Variants in PCDHA10 observed in about 807,000 individuals in gnomAD.
PCDHA10 encodes protocadherin alpha 10.
PCDHA10 carries 45 observed loss-of-function variants against 61.2 expected under a neutral mutation model. The ratio of observed to expected loss-of-function variants is 0.74; its 90% confidence interval spans 0.58 to 0.94. The LOEUF (loss-of-function observed/expected upper bound fraction) is 0.94. Among genes scored for constraint, PCDHA10 ranks in the 40% least tolerant of loss-of-function variants. PCDHA10 has a pLI of 0.00. For synonymous variants in PCDHA10, 602 were observed against 548.8 expected (o/e 1.10, Z -1.35); for missense variants, 1,278 against 1,236.2 (o/e 1.03, Z -0.51).
chr5:140,935,045 G>T (rs1382389528), intron 1 of PCDHA10, among the ~76,000 whole-genome samples: 1 of 151,952 alleles, frequency 6.6e-6, no homozygotes, highest in Non-Finnish European at 1.5e-5. Flanking sequence ...TTGATTTCTG[G>T]TATTACAAGA....
intron 1 of PCDHA10, among the ~76,000 whole-genome samples, chr5:140,960,014 A>G (rs1380089859): frequency 6.6e-6 from 1 of 152,222 alleles, no homozygotes; most frequent in Non-Finnish European, 1.5e-5. Flanking sequence ...ATTTTGCATC[A>G]TGATTTTGTT....
intron 1 of PCDHA10, among the ~76,000 whole-genome samples, chr5:140,923,207 A>G (rs2081229144): frequency 6.6e-6 from 1 of 152,144 alleles, no homozygotes. Flanking sequence ...TGGGAGGCTA[A>G]GGTGAAAGGA....
intron 3 of PCDHA10, among the ~76,000 whole-genome samples, chr5:140,982,795 A>G (rs1011948194): frequency 3.3e-5 from 5 of 151,516 alleles, no homozygotes; most frequent in African/African-American, 1.2e-4. Context: ...GCATGTGTGC[A>G]TGTGTGTGTG....
chr5:140,959,424 G>A (rs957625236), intron 1 of PCDHA10, among the ~76,000 whole-genome samples: 1 of 152,104 alleles, frequency 6.6e-6, no homozygotes, highest in Non-Finnish European at 1.5e-5. Context: ...CTGAGAATTT[G>A]TGTATTTTTT....
chr5:140,909,769 C>T (rs1213208977), intron 1 of PCDHA10, among the ~76,000 whole-genome samples: 2 of 152,104 alleles, frequency 1.3e-5, no homozygotes, highest in Non-Finnish European at 2.9e-5. Flanking sequence ...AGTCCAGGGA[C>T]CCACTGGACC....
intron 1 of PCDHA10, among the ~76,000 whole-genome samples, chr5:140,925,793 A>G (rs1261267937): frequency 6.6e-6 from 1 of 152,074 alleles, no homozygotes; most frequent in African/African-American, 2.4e-5. Context: ...GTATCTCAGT[A>G]CTTTCCCCTC....
intron 1 of PCDHA10, among the ~76,000 whole-genome samples, chr5:140,955,906 G>T (rs1044355938): frequency 2.0e-5 from 3 of 152,040 alleles, no homozygotes; most frequent in East Asian, 3.9e-4. Flanking sequence ...TCTCTTTGTA[G>T]CAATTGTGAA....
At chr5:140,982,984 G>A (rs558088522) in intron 3 of PCDHA10, among the ~76,000 whole-genome samples, 11 of 151,694 alleles carry the variant, frequency 7.3e-5, no homozygotes, top group Non-Finnish European at 1.5e-4. Flanking sequence ...GAAAGAAAGA[G>A]AAAAAGAAGG....
chr5:140,874,772 T>C (rs2055099588), intron 1 of PCDHA10, among the ~76,000 whole-genome samples: 1 of 152,270 alleles, frequency 6.6e-6, no homozygotes, highest in South Asian at 2.1e-4. Flanking sequence ...TCCATATTTA[T>C]GATGAATTCT....
In PCDHA10 at chr5:140,882,158, C is replaced by T. The variant is rs2058980027; in HGVS notation, c.2388+23722C>T. ...GAAAATATAGCAGAAAGCGGAATAC[C>T]TCTTGCGAATCCTTCCGCACTAGGA... On this transcript the variant is annotated intron_variant, in intron 1 of 3. Coordinates refer to ENST00000307360, the MANE Select transcript of PCDHA10 (RefSeq NM_018901.4). The T allele has an allele frequency of 4.6e-6, 7 of 1,507,380 alleles. No homozygotes were observed. The South Asian group carries it at 8.2e-5, about 18-fold the overall frequency. 93.4% of individuals were successfully genotyped at this position (1,507,380 alleles called of 1,614,324 possible). A position where few individuals can be genotyped will look rare whatever the true frequency, so the allele number is the denominator to read the frequency against.
At chr5:140,952,180 T>C (rs1034052117) in intron 1 of PCDHA10, among the ~76,000 whole-genome samples, 4 of 151,968 alleles carry the variant, frequency 2.6e-5, no homozygotes, top group Admixed American at 2.0e-4. Context: ...CTGCAGCTGC[T>C]CTCATGGGTT....
chr5:140,950,581 C>T (rs1158445917), intron 1 of PCDHA10, among the ~76,000 whole-genome samples: 2 of 151,860 alleles, frequency 1.3e-5, no homozygotes, highest in Non-Finnish European at 2.9e-5. Flanking sequence ...TTCTACTTAC[C>T]TTTGGTTTAG....
In PCDHA10 at chr5:140,856,537, G is replaced by T. The variant is rs782543512; in HGVS notation, c.489G>T (p.Glu163Asp). 18 of 1,598,256 alleles carry T rather than the reference G, an allele frequency of 1.1e-5. 3 individuals carry two copies. The highest frequency in any genetic ancestry group is 1.5e-5 in the Non-Finnish European group (18 of 1,167,836). ...LEGASDADVG[E>D]NALLTYKLSP... ...GCGCATCTGATGCGGATGTTGGAGA[G>T]AACGCATTGCTTACTTACAAACTCA... The change falls in exon 1 of 4, where the codon GAG becomes GAT. Residue 163 changes from glutamate to aspartate, a missense_variant. Coordinates refer to ENST00000307360, the MANE Select transcript of PCDHA10 (RefSeq NM_018901.4).
At chr5:140,921,534 G>A (rs1413381073) in intron 1 of PCDHA10, among the ~76,000 whole-genome samples, 3 of 152,130 alleles carry the variant, frequency 2.0e-5, no homozygotes, top group African/African-American at 7.2e-5. Context: ...TCTGCTGATA[G>A]AACATTCTGC....
intron 1 of PCDHA10, among the ~76,000 whole-genome samples, chr5:140,924,240 G>T (rs1554201838): frequency 2.6e-5 from 4 of 152,186 alleles, no homozygotes; most frequent in Non-Finnish European, 5.9e-5. Flanking sequence ...GGGCTGTTTT[G>T]CATCCTGGTG....
At chr5:140,862,665 G>A (rs1437192786) in intron 1 of PCDHA10, 12 of 547,492 alleles carry the variant, frequency 2.2e-5, no homozygotes, top group Admixed American at 9.6e-5. Flanking sequence ...ACCGGGACGC[G>A]CAGGAGAACG....
chr5:140,877,674 G>C, intron 1 of PCDHA10: 2 of 1,613,630 alleles, frequency 1.2e-6, no homozygotes, highest in East Asian at 4.5e-5. Context: ...GGTGCGCGCC[G>C]GGCAAGCCCA....
intron 1 of PCDHA10, among the ~76,000 whole-genome samples, chr5:140,904,500 T>C (rs1454204932): frequency 6.6e-6 from 1 of 151,976 alleles, no homozygotes; most frequent in African/African-American, 2.4e-5. Flanking sequence ...ATTTTTACAA[T>C]TGTGAATTGT....
chr5:140,941,701 C>T (rs1312324595), intron 1 of PCDHA10, among the ~76,000 whole-genome samples: 3 of 152,142 alleles, frequency 2.0e-5, no homozygotes, highest in Non-Finnish European at 4.4e-5. Context: ...TTGGGCTTAG[C>T]TTTCCTCCAC....
Sources: gnomAD v4.1 joint callset for allele counts (sites outside exome capture counted in the v4.1 genomes callset) on GRCh38, gnomAD v4.1.1 for gene constraint, MANE v1.5 for transcripts, NCBI Gene and HGNC (gene_info 2026-07-23, HGNC 2026-07-21) for gene names.